ARHGAP31: variants seen among roughly 807,000 people sequenced by gnomAD.
ARHGAP31 encodes rho GTPase-activating protein 31.
A neutral mutation model predicts 113.9 loss-of-function variants in ARHGAP31; 34 were observed. That is an observed-to-expected ratio of 0.30 (90% CI 0.23 to 0.40). ARHGAP31 has a LOEUF of 0.40. Among genes scored for constraint, ARHGAP31 ranks in the 10% least tolerant of loss-of-function variants. The pLI is 1.00. For synonymous variants in ARHGAP31, 650 were observed against 684.8 expected (o/e 0.95, Z 0.79); for missense variants, 1,548 against 1,767.1 (o/e 0.88, Z 2.22).
chr3:119,373,581 A>G (rs2080321808), intron 3 of ARHGAP31, among the ~76,000 whole-genome samples: 1 of 152,074 alleles, frequency 6.6e-6, no homozygotes, highest in Admixed American at 6.6e-5. Flanking sequence ...CTCCTGCCTC[A>G]GCCTCCTGAG....
At chr3:119,354,660 C>T (rs897304997) in intron 1 of ARHGAP31, among the ~76,000 whole-genome samples, 10 of 150,832 alleles carry the variant, frequency 6.6e-5, no homozygotes, top group Non-Finnish European at 1.3e-4. Flanking sequence ...TACAGGCACC[C>T]GCCACCATGC....
At chr3:119,380,811 C>A (rs1387425996) in intron 3 of ARHGAP31, 93 bp from the exon 4 acceptor site, 2 of 1,032,354 alleles carry the variant, frequency 1.9e-6, no homozygotes, top group Non-Finnish European at 3.0e-6. Context: ...GGTTGTGAGG[C>A]TGGAGTATGA....
rs140274779 is a variant in ARHGAP31 at position 119,409,789 on chromosome 3, C to A, written c.1926+13C>A. 1,766 of 1,584,718 alleles carry A rather than the reference C, an allele frequency of 1.1e-3. 38 individuals carry two copies. In the East Asian group the frequency reaches 0.035, roughly 32 times the overall value. ...TCTCCATGAGATGGTAAAGTGCATTCTCCACCTGCTCCAGCCAGGTGGAGT... is the reference window on the plus strand; with the variant it reads ...TCTCCATGAGATGGTAAAGTGCATTATCCACCTGCTCCAGCCAGGTGGAGT... On this transcript the variant is annotated intron_variant, in intron 11 of 11. Transcript: ENST00000264245.
chr3:119,392,275 C>T (rs907858515), intron 7 of ARHGAP31, among the ~76,000 whole-genome samples: 3 of 152,174 alleles, frequency 2.0e-5, no homozygotes, highest in Non-Finnish European at 2.9e-5. Context: ...TGGTGAAACC[C>T]AGTCTTTACA....
chr3:119,322,019 T>C (rs947170400), intron 1 of ARHGAP31, among the ~76,000 whole-genome samples: 1 of 152,248 alleles, frequency 6.6e-6, no homozygotes, highest in African/African-American at 2.4e-5. Context: ...TTTATAGTTA[T>C]GATTGTTTTA....
chr3:119,339,314 A>T (rs554775327), intron 1 of ARHGAP31, among the ~76,000 whole-genome samples: 1 of 152,334 alleles, frequency 6.6e-6, no homozygotes, highest in East Asian at 1.9e-4. Context: ...GATCTTATAA[A>T]CAACATAGCA....
chr3:119,350,835 A>C (rs1255290514), intron 1 of ARHGAP31, among the ~76,000 whole-genome samples: 1 of 152,172 alleles, frequency 6.6e-6, no homozygotes, highest in East Asian at 1.9e-4. Context: ...AAACAAACAA[A>C]CAAAAAATTA....
chr3:119,380,450 C>T (rs1304159187), intron 3 of ARHGAP31, among the ~76,000 whole-genome samples: 1 of 152,034 alleles, frequency 6.6e-6, no homozygotes, highest in Non-Finnish European at 1.5e-5. Context: ...ACAGGTTGCA[C>T]TATGTCGCTA....
intron 1 of ARHGAP31, among the ~76,000 whole-genome samples, chr3:119,316,388 A>T (rs2079730972): frequency 6.6e-6 from 1 of 152,240 alleles, no homozygotes; most frequent in Non-Finnish European, 1.5e-5. Flanking sequence ...AGGACTGGAT[A>T]AACTTGATAC....
At chr3:119,345,410 T>C (rs1276262834) in intron 1 of ARHGAP31, among the ~76,000 whole-genome samples, 1 of 152,156 alleles carries the variant, frequency 6.6e-6, no homozygotes, top group African/African-American at 2.4e-5. Context: ...TATGGCATTC[T>C]ACTTACAGGA....
intron 1 of ARHGAP31, among the ~76,000 whole-genome samples, chr3:119,314,976 T>C (rs926760071): frequency 6.6e-6 from 1 of 152,236 alleles, no homozygotes; most frequent in Non-Finnish European, 1.5e-5. Context: ...TTGGCAGAGC[T>C]GTTTTCCTGA....
chr3:119,373,165 TAA>T (rs2080316920), intron 3 of ARHGAP31, among the ~76,000 whole-genome samples: 1 of 152,026 alleles, frequency 6.6e-6, no homozygotes, highest in African/African-American at 2.4e-5. Flanking sequence ...TTAACACAAT[TAA>T]AAGGCAAATG....
At chr3:119,346,570 CTT>C (rs762652501) in intron 1 of ARHGAP31, among the ~76,000 whole-genome samples, 1 of 152,212 alleles carries the variant, frequency 6.6e-6, no homozygotes, top group Non-Finnish European at 1.5e-5. Flanking sequence ...TAAGCTACTT[CTT>C]TGAATCCCAA....
chr3:119,391,075 T>A, intron 7 of ARHGAP31, 92 bp downstream of exon 7: 1 of 1,421,942 alleles, frequency 7.0e-7, no homozygotes. Context: ...AAGATGGCAG[T>A]GTGGGTTGGA....
chr3:119,309,417 A>G (rs1245230706), intron 1 of ARHGAP31, among the ~76,000 whole-genome samples: 1 of 152,138 alleles, frequency 6.6e-6, no homozygotes, highest in Non-Finnish European at 1.5e-5. Context: ...GCCCTGTGCA[A>G]ATGTTAACTC....
chr3:119,364,060 C>T (rs1001813900), intron 1 of ARHGAP31, among the ~76,000 whole-genome samples: 1 of 152,158 alleles, frequency 6.6e-6, no homozygotes, highest in Admixed American at 6.5e-5. Context: ...CCCTGTTGGT[C>T]ACTGAGCTGG....
At chr3:119,402,420 C>T in intron 10 of ARHGAP31, 23 bp downstream of exon 10, 1 of 1,607,192 alleles carries the variant, frequency 6.2e-7, no homozygotes, top group South Asian at 1.1e-5. Flanking sequence ...GAGAGGGTAT[C>T]TTTCCGTTGC....
At chr3:119,332,635 T>TCACACACACACACACA (rs71156743) in intron 1 of ARHGAP31, among the ~76,000 whole-genome samples, 3 of 85,664 alleles carry the variant, frequency 3.5e-5, no homozygotes, top group Non-Finnish European at 6.4e-5. Flanking sequence ...TCTCTCTCTC[T>TCACACACACACACACA]CACACACACA....
intron 3 of ARHGAP31, among the ~76,000 whole-genome samples, chr3:119,368,814 T>G (rs1054942411): frequency 6.6e-6 from 1 of 152,142 alleles, no homozygotes; most frequent in African/African-American, 2.4e-5. Context: ...ACCCCAGAAG[T>G]AAAGTGTCTG....
Sources: allele counts gnomAD v4.1 joint callset (sites outside exome capture counted in the v4.1 genomes callset), GRCh38; gene constraint gnomAD v4.1.1; transcripts MANE v1.5; gene names NCBI Gene and HGNC (gene_info 2026-07-23, HGNC 2026-07-21).